Variants in TNS3 observed in about 807,000 individuals in gnomAD.
The protein encoded by TNS3 is tensin 3.
A neutral mutation model predicts 140.9 loss-of-function variants in TNS3; 45 were observed. That is an observed-to-expected ratio of 0.32 (90% confidence interval 0.25 to 0.41). The LOEUF is 0.41. Among genes scored for constraint, TNS3 ranks in the 10% least tolerant of loss-of-function variants. The probability of loss-of-function intolerance (pLI) is 1.00; values close to 1 mark genes in which losing one functional copy is unlikely to be tolerated. For synonymous variants in TNS3, 815 were observed against 788.4 expected (o/e 1.03, Z -0.56); for missense variants, 1,716 against 1,906.7 (o/e 0.90, Z 1.86).
At chr7:47,493,036 C>G (rs1797870968) in intron 3 of TNS3, among the ~76,000 whole-genome samples, 1 of 152,232 alleles carries the variant, frequency 6.6e-6, no homozygotes, top group Non-Finnish European at 1.5e-5. Flanking sequence ...ATAGCAGGCT[C>G]TTCATATCAA....
At chr7:47,437,498 G>C (rs1407142990) in intron 6 of TNS3, among the ~76,000 whole-genome samples, 185 bp from the exon 7 acceptor site, 4 of 151,616 alleles carry the variant, frequency 2.6e-5, no homozygotes, top group Admixed American at 2.6e-4. Context: ...GATGAAAGCA[G>C]AAAACACATT....
chr7:47,344,656 G>A lies in TNS3; in HGVS notation c.2650+99C>T, dbSNP rs966762489. On this transcript the variant is annotated intron_variant, in intron 20 of 30. Coordinates refer to ENST00000311160, the MANE Select transcript of TNS3 (RefSeq NM_022748.12). The stretch of plus-strand genomic sequence containing the variant: ...AGGCTTCTGAGATACGACACAAATG[G>A]AAACATTTCTGCATACGAGTTCTTC... 2.5e-5 allele frequency: 28 copies of A among 1,102,422 alleles called. 1 individual carries two copies. The East Asian group carries it at 2.9e-4, about 11-fold the overall frequency. The allele number at this position is 1,102,422 out of a possible 1,614,324, so 68.3% of individuals were successfully genotyped here. A position where few individuals can be genotyped will look rare whatever the true frequency, so the allele number is the denominator to read the frequency against.
chr7:47,383,313 G>C (rs775838306), intron 16 of TNS3, among the ~76,000 whole-genome samples: 1 of 152,168 alleles, frequency 6.6e-6, no homozygotes, highest in Non-Finnish European at 1.5e-5. Flanking sequence ...CTCATTGCAC[G>C]ACTCCAGTGA....
Position 47,303,034 on chromosome 7 carries a change from G to C in TNS3, c.3373C>G (p.His1125Asp). Reference sequence around the variant, plus strand: ...GGGATACTGATGGTGCTCCCGCTGTGCGGGCTGGAGAAGCCACTGGAGGAG... The same window carrying C: ...GGGATACTGATGGTGCTCCCGCTGTCCGGGCTGGAGAAGCCACTGGAGGAG... ...SPSSSGFSSPHSGSTISIPFP... is the reference protein window; with the variant it reads ...SPSSSGFSSPDSGSTISIPFP... Residue 1125 changes from histidine (H) to aspartate (D), a missense_variant, in exon 22 of 31, where the codon CAC becomes GAC. His to Asp is a moderately conservative substitution (Grantham distance 81). This residue lies in a region of TNS3 where 1,163 missense variants were observed against 1,182.1 expected (regional missense o/e 0.98). Transcript: ENST00000311160. 6.2e-7 allele frequency: 1 copy of C among 1,614,114 alleles called. No individual in the cohort carries two copies. Among genetic ancestry groups the C allele is most frequent in the Non-Finnish European group, 8.5e-7 (1 of 1,180,036 alleles).
rs1022403791 is a variant in TNS3, at chr7:47,528,940, T to A, written c.-153+96A>T. On this transcript the variant is annotated intron_variant, in intron 2 of 30. Transcript: ENST00000311160. ...AAACTAAGAAGGGGAATTCCATGATTTAACTTTCGGAAACTCCTGAAAAAA... is the reference window on the plus strand; with the variant it reads ...AAACTAAGAAGGGGAATTCCATGATATAACTTTCGGAAACTCCTGAAAAAA... 5.7e-6 allele frequency: 4 copies of A among 698,770 alleles called. No individual in the cohort carries two copies. In the African/African-American group the frequency reaches 7.6e-5, roughly 13 times the overall value. 43.3% of individuals were successfully genotyped at this position (698,770 alleles called of 1,614,324 possible).
intron 3 of TNS3, among the ~76,000 whole-genome samples, chr7:47,487,397 C>A (rs1181074526): frequency 1.3e-5 from 2 of 152,174 alleles, no homozygotes; most frequent in South Asian, 2.1e-4. Context: ...CTCCTCTAAT[C>A]GTTTCTTCCT....
At chr7:47,463,651 T>G (rs1443650306) in intron 4 of TNS3, among the ~76,000 whole-genome samples, 1 of 152,144 alleles carries the variant, frequency 6.6e-6, no homozygotes, top group Non-Finnish European at 1.5e-5. Context: ...GGGGGAAATG[T>G]GGCACTAAAT....
intron 3 of TNS3, among the ~76,000 whole-genome samples, chr7:47,484,635 AG>A (rs1019326885): frequency 6.6e-6 from 1 of 152,222 alleles, no homozygotes; most frequent in African/African-American, 2.4e-5. Context: ...GCAGAAGCAC[AG>A]TGCTTCCGTG....
chr7:47,511,809 C>A (rs1305113826), intron 2 of TNS3, among the ~76,000 whole-genome samples: 1 of 152,180 alleles, frequency 6.6e-6, no homozygotes, highest in Non-Finnish European at 1.5e-5. Context: ...CAAGAAGAAC[C>A]TGGAGAACTT....
intron 2 of TNS3, among the ~76,000 whole-genome samples, chr7:47,509,111 A>T (rs145310311): frequency 1.3e-5 from 2 of 152,232 alleles, no homozygotes; most frequent in Admixed American, 6.5e-5. Context: ...CGCCAACTCA[A>T]CACAAAAAAA....
intron 3 of TNS3, among the ~76,000 whole-genome samples, chr7:47,503,349 A>G (rs1200127318): frequency 6.6e-6 from 1 of 151,780 alleles, no homozygotes; most frequent in Non-Finnish European, 1.5e-5. Flanking sequence ...TCAGGGGGGC[A>G]CCACCTGCCA....
chr7:47,495,691 A>G (rs1399851523), intron 3 of TNS3, among the ~76,000 whole-genome samples: 8 of 152,244 alleles, frequency 5.3e-5, no homozygotes. Flanking sequence ...CAGGACTGCC[A>G]GAAAGTCCCG....
chr7:47,451,475 A>T (rs1796011226), intron 4 of TNS3, among the ~76,000 whole-genome samples: 1 of 152,056 alleles, frequency 6.6e-6, no homozygotes, highest in East Asian at 2.0e-4. Flanking sequence ...CAGGTACTCC[A>T]GAGGCTAAGG....
At chr7:47,321,625 G>A (rs751335378) in intron 20 of TNS3, among the ~76,000 whole-genome samples, 10 of 152,150 alleles carry the variant, frequency 6.6e-5, no homozygotes, top group South Asian at 2.1e-4. Flanking sequence ...GGGCTGTCCC[G>A]GGACAGAACT....
intron 20 of TNS3, among the ~76,000 whole-genome samples, chr7:47,329,376 G>A (rs1452859228): frequency 6.6e-6 from 1 of 152,090 alleles, no homozygotes; most frequent in South Asian, 2.1e-4. Flanking sequence ...CCCTGTGCAC[G>A]CCTGTGCTTC....
intron 16 of TNS3, among the ~76,000 whole-genome samples, chr7:47,380,342 G>A (rs1015313740): frequency 2.6e-5 from 4 of 152,208 alleles, no homozygotes; most frequent in African/African-American, 7.2e-5. Context: ...GAAAACACAG[G>A]GGCCCAAGCC....
At chr7:47,466,065 G>A (rs112222460) in intron 4 of TNS3, among the ~76,000 whole-genome samples, 1,660 of 152,136 alleles carry the variant, frequency 0.011, 32 homozygotes, top group African/African-American at 0.037. Context: ...TCTGCCATAC[G>A]TGTTTTGGGG....
intron 3 of TNS3, among the ~76,000 whole-genome samples, chr7:47,505,638 G>A (rs766561247): frequency 1.4e-4 from 21 of 152,144 alleles, no homozygotes; most frequent in South Asian, 1.2e-3. Context: ...GCACGTGCTC[G>A]GCATTCTCCA....
At chr7:47,465,042 G>A (rs1209825058) in intron 4 of TNS3, among the ~76,000 whole-genome samples, 4 of 152,192 alleles carry the variant, frequency 2.6e-5, no homozygotes, top group Admixed American at 6.5e-5. Flanking sequence ...CCTGGTGAGT[G>A]AGTTGTATGA....
Sources: allele counts gnomAD v4.1 joint callset (sites outside exome capture counted in the v4.1 genomes callset), GRCh38; gene constraint gnomAD v4.1.1; regional missense constraint gnomAD v4.1.1; transcripts MANE v1.5; gene names NCBI Gene and HGNC (gene_info 2026-07-23, HGNC 2026-07-21).